USH2A: variants seen among roughly 807,000 people sequenced by gnomAD.
The protein encoded by USH2A is usherin, also known as Usher syndrome 2A (autosomal recessive, mild).
In USH2A, 443 loss-of-function variants were observed where a neutral mutation model predicts 538.9. The ratio of observed to expected loss-of-function variants is 0.82; its 90% CI spans 0.76 to 0.89. USH2A has a LOEUF of 0.89. Among genes scored for constraint, USH2A ranks in the 40% least tolerant of loss-of-function variants. The pLI is 0.00. For missense variants in USH2A, 6,633 were observed against 6,324.8 expected (o/e 1.05, Z -1.65); for synonymous variants, 2,413 against 2,273.5 (o/e 1.06, Z -1.75).
At chr1:215,913,931 A>T (rs2102482159) in intron 38 of USH2A, among the ~76,000 whole-genome samples, 1 of 152,196 alleles carries the variant, frequency 6.6e-6, no homozygotes, top group African/African-American at 2.4e-5. Context: ...ATAATTTATT[A>T]ACCTGCATAA....
intron 32 of USH2A, among the ~76,000 whole-genome samples, chr1:216,025,158 A>T (rs1668933735): frequency 6.6e-6 from 1 of 151,852 alleles, no homozygotes; most frequent in Admixed American, 6.6e-5. Flanking sequence ...TGTTTTTTAT[A>T]TTACATAGTA....
chr1:215,732,524 C>G (rs912829536), intron 60 of USH2A, among the ~76,000 whole-genome samples: 8 of 127,992 alleles, frequency 6.3e-5, no homozygotes, highest in African/African-American at 1.9e-4. Flanking sequence ...AATCCTCTTT[C>G]TTATTCTCCT....
intron 64 of USH2A, among the ~76,000 whole-genome samples, chr1:215,664,176 T>G (rs1000257840): frequency 6.6e-6 from 1 of 152,234 alleles, no homozygotes; most frequent in South Asian, 2.1e-4. Context: ...GAAATAGTCA[T>G]GACAACTTTT....
intron 19 of USH2A, among the ~76,000 whole-genome samples, chr1:216,194,736 G>A (rs983602633): frequency 5.3e-5 from 8 of 152,092 alleles, no homozygotes; most frequent in Non-Finnish European, 1.0e-4. Context: ...GAAACAAAAT[G>A]TCTAGTTGAC....
rs2102821872 is a variant in USH2A at position 215,844,430 on chromosome 1, G to C, written c.9122C>G (p.Thr3041Arg). 1 of 1,613,338 alleles carries C rather than the reference G, an allele frequency of 6.2e-7. No individual in the cohort carries two copies. The change falls in exon 46 of 72, where the codon ACA becomes AGA. Residue 3041 changes from threonine (T) to arginine (R), a missense_variant. Thr to Arg is a moderately conservative substitution (Grantham distance 71). Coordinates refer to ENST00000307340, the MANE Select transcript of USH2A (RefSeq NM_206933.4). ...INSTAVRVIW[T>R]SPSNPNGVVT... is the part of the protein sequence containing the mutation. ...AACACCATTTGGGTTTGAAGGAGAT[G>C]TCCAGATGACACGTACAGCTGTACT...
intron 43 of USH2A, among the ~76,000 whole-genome samples, chr1:215,876,796 C>A (rs2102449786): frequency 6.6e-6 from 1 of 152,116 alleles, no homozygotes; most frequent in East Asian, 1.9e-4. Context: ...GAAAAGGCAA[C>A]TATGGGGAAA....
Position 215,700,112 on chromosome 1 carries a change from T to C in USH2A, c.12067-19736A>G, listed in dbSNP as rs551174775. Among the ~76,000 whole-genome samples, 14 of 152,316 alleles carry C rather than the reference T, an allele frequency of 9.2e-5. No individual in the cohort carries two copies. The South Asian group carries it at 2.1e-3, about 23-fold the overall frequency. On this transcript the variant is annotated intron_variant, in intron 61 of 71. Transcript: ENST00000307340. ...CTGTTTTTGTGATAGATTATGTTTA[T>C]TGACTTAGGTATATTGAACCAGCCT...
chr1:216,015,947 C>T (rs1432082786), intron 32 of USH2A, among the ~76,000 whole-genome samples: 1 of 152,114 alleles, frequency 6.6e-6, no homozygotes, highest in Admixed American at 6.5e-5. Flanking sequence ...CCAACCCAAA[C>T]GTCCATCAAT....
chr1:215,860,600 T>C (rs1337498244), intron 44 of USH2A, among the ~76,000 whole-genome samples: 1 of 152,178 alleles, frequency 6.6e-6, no homozygotes, highest in Non-Finnish European at 1.5e-5. Flanking sequence ...CATGCTTATT[T>C]AAAAATCAGA....
At chr1:215,877,333 C>A (rs895133782) in intron 43 of USH2A, among the ~76,000 whole-genome samples, 1 of 152,144 alleles carries the variant, frequency 6.6e-6, no homozygotes. Flanking sequence ...TTTTCTTTTG[C>A]GGACTGAATC....
Position 215,650,773 on chromosome 1 carries a change from G to T in USH2A, c.14162C>A (p.Ala4721Asp), listed in dbSNP as rs141656551. 1.2e-6 allele frequency: 2 copies of T among 1,613,286 alleles called. No homozygotes were observed. Among genetic ancestry groups the T allele is most frequent in the South Asian group, 2.2e-5 (2 of 91,014 alleles). Residue 4721 changes from alanine to aspartate, a missense_variant, in exon 65 of 72, where the codon GCC becomes GAC. Coordinates refer to ENST00000307340, the MANE Select transcript of USH2A (RefSeq NM_206933.4). ...QVWAVNSAGK[A>D]PSSWTWCRTG... is the part of the protein sequence containing the mutation. ...TCTGCACCATGTCCAGCTACTGGGG[G>T]CTTTTCCTGCAGAATTCACTGCCCA...
intron 55 of USH2A, 60 bp downstream of exon 55, chr1:215,779,783 C>T (rs924949193): frequency 1.3e-6 from 2 of 1,593,842 alleles, no homozygotes; most frequent in Non-Finnish European, 1.7e-6. Context: ...GGATGCTTTG[C>T]CCCCCTAACC....
intron 21 of USH2A, among the ~76,000 whole-genome samples, chr1:216,129,201 T>C (rs2033319177): frequency 6.6e-6 from 1 of 152,136 alleles, no homozygotes; most frequent in Non-Finnish European, 1.5e-5. Flanking sequence ...ATGACTAGTG[T>C]TGAAATAAAC....
At chr1:216,298,241 T>C (rs904008894) in intron 9 of USH2A, among the ~76,000 whole-genome samples, 3 of 152,224 alleles carry the variant, frequency 2.0e-5, no homozygotes, top group Non-Finnish European at 4.4e-5. Flanking sequence ...GCAGTTTGTC[T>C]TTTACAAAAC....
At chr1:216,148,743 C>T (rs1406849840) in intron 21 of USH2A, among the ~76,000 whole-genome samples, 2 of 151,636 alleles carry the variant, frequency 1.3e-5, no homozygotes, top group African/African-American at 2.4e-5. Flanking sequence ...AACCCATATA[C>T]TCTCCTATCC....
At chr1:216,063,212 G>T (rs552989618) in intron 30 of USH2A, among the ~76,000 whole-genome samples, 1 of 152,280 alleles carries the variant, frequency 6.6e-6, no homozygotes, top group South Asian at 2.1e-4. Context: ...TGGCAAAACA[G>T]CTGCCTCAAA....
chr1:216,295,354 T>C (rs1011968614), intron 9 of USH2A, among the ~76,000 whole-genome samples: 23 of 151,650 alleles, frequency 1.5e-4, no homozygotes, highest in African/African-American at 5.6e-4. Flanking sequence ...TAATAGTAAA[T>C]AAAGCCAAGT....
rs1571936130 is a variant in USH2A at position 216,073,109 on chromosome 1, G to A, written c.5764C>T (p.Gln1922Ter). ...KEQSVYEGGL[Q>*]PFTEYLYRVI... The stretch of plus-strand genomic sequence containing the variant: ...ACCTCCACATTACCTGTAAAAGGCT[G>A]GAGACCACCCTCGTAAACACTCTGC... The change falls in exon 28 of 72, where the codon CAG (glutamine) becomes TAG (stop). Residue 1922 changes from glutamine (Q) to a stop codon, truncating the protein, a stop_gained. Coordinates refer to ENST00000307340, the MANE Select transcript of USH2A (RefSeq NM_206933.4). LOFTEE classifies it high-confidence loss of function. 2 of 1,613,810 alleles carry A rather than the reference G, an allele frequency of 1.2e-6. No homozygotes were observed. The highest frequency in any genetic ancestry group is 1.3e-5 in the African/African-American group (1 of 74,994).
chr1:216,307,618 C>A (rs748601995), intron 9 of USH2A, among the ~76,000 whole-genome samples: 8 of 152,140 alleles, frequency 5.3e-5, no homozygotes, highest in Admixed American at 4.6e-4. Context: ...GGCATTCAGT[C>A]GAAATTGTTA....
Sources: gnomAD v4.1 joint callset for allele counts (sites outside exome capture counted in the v4.1 genomes callset) on GRCh38, gnomAD v4.1.1 for gene constraint, MANE v1.5 for transcripts, NCBI Gene and HGNC (gene_info 2026-07-23, HGNC 2026-07-21) for gene names.